The following LHX6 variants were observed in gnomAD, a reference collection of about 807,000 sequenced individuals.
LHX6 encodes LIM homeobox 6, also known as LIM/homeobox protein Lhx6.
Under a neutral mutation model 47.1 loss-of-function variants are expected in LHX6, and 15 were observed. The observed-to-expected ratio is 0.32, with a 90% CI of 0.21 to 0.49. The LOEUF (loss-of-function observed/expected upper bound fraction) is 0.49, where lower values mean the gene tolerates loss of function less well. Ranked by LOEUF, LHX6 falls within the 20% of genes least tolerant of loss-of-function variation. LHX6 has a pLI of 0.99. For synonymous variants in LHX6, 242 were observed against 233.5 expected (o/e 1.04, Z -0.33); for missense variants, 404 against 539.6 (o/e 0.75, Z 2.49).
chr9:122,227,117 A>G, intron 2 of LHX6, 87 bp from the exon 3 acceptor site: 2 of 1,246,046 alleles, frequency 1.6e-6, no homozygotes, highest in Non-Finnish European at 2.2e-6. Context: ...GCCCCCGAGC[A>G]CCAATTGACA....
In LHX6 at chr9:122,213,388, C is replaced by T. The variant is rs561852463; in HGVS notation, c.1054+218G>A. 3.9e-5 allele frequency among the ~76,000 whole-genome samples: 6 copies of T among 152,296 alleles called. No individual in the cohort carries two copies. The East Asian group carries it at 5.8e-4, about 15-fold the overall frequency. On this transcript the variant is annotated intron_variant, in intron 8 of 9. Coordinates refer to ENST00000394319, the MANE Select transcript of LHX6 (RefSeq NM_014368.5). The surrounding 1 kb of genome is among the most constrained non-coding windows in gnomAD (Gnocchi z 5.5). Reference sequence around the variant, plus strand: ...GGCATTTTTTGAATGGCTGCTGAATCGCTTGCCTCTATGAAGGATCCCGCT... The same window carrying T: ...GGCATTTTTTGAATGGCTGCTGAATTGCTTGCCTCTATGAAGGATCCCGCT...
chr9:122,216,213 TC>T (rs1206149977), intron 5 of LHX6, among the ~76,000 whole-genome samples: 1 of 152,216 alleles, frequency 6.6e-6, no homozygotes, highest in East Asian at 1.9e-4. Flanking sequence ...CATAAAATAA[TC>T]CCTGTTACAG....
Position 122,213,924 on chromosome 9 carries a change from A to T in LHX6, c.879+50T>A. ...ACCCTCCGCGCCGAGCCCAGCTACG[A>T]GCTCCGGGGCGTGCCCGCGGTCCCC... On this transcript the variant is annotated intron_variant, in intron 7 of 9. Transcript: ENST00000394319. The surrounding 1 kb of genome is among the most constrained non-coding windows in gnomAD (Gnocchi z 5.5). The T allele has an allele frequency of 6.5e-7, 1 of 1,549,162 alleles. No individual in the cohort carries two copies. The highest frequency in any genetic ancestry group is 8.8e-7 in the Non-Finnish European group (1 of 1,138,324).
At chr9:122,211,204 G>A (rs759776766) in intron 8 of LHX6, among the ~76,000 whole-genome samples, 12 of 152,172 alleles carry the variant, frequency 7.9e-5, no homozygotes, top group Non-Finnish European at 1.6e-4. Context: ...AAAGGGCATT[G>A]TAGAGACACT....
chr9:122,228,711 CG>C lies in LHX6; in HGVS notation c.29del (p.Pro10ArgfsTer20). 1 of 1,290,816 alleles carries C rather than the reference CG, an allele frequency of 7.7e-7. No homozygotes were observed. Among genetic ancestry groups the C allele is most frequent in the South Asian group, 2.7e-5 (1 of 37,002 alleles). The allele number at this position is 1,290,816 out of a possible 1,614,324, so 80.0% of individuals were successfully genotyped here. A position where few individuals can be genotyped will look rare whatever the true frequency, so the allele number is the denominator to read the frequency against. ...GCAGCCGGCAGCCCTCGGGCAACGC[CG>C]GGGCGGCGTTCTCATGCTTCCAGTA... Reference protein sequence around the residue: MYWKHENAAPALPEGCRLPA... With the variant: MYWKHENAAXALPEGCRLPA... On this transcript the variant is annotated frameshift_variant, in exon 1 of 10. Transcript: ENST00000394319. LOFTEE classifies it high-confidence loss of function.
chr9:122,221,139 G>A, intron 4 of LHX6: 2 of 985,428 alleles, frequency 2.0e-6, no homozygotes, highest in Non-Finnish European at 2.4e-6. Context: ...CCTGTGAGGC[G>A]AACAAGGTGG....
intron 4 of LHX6, among the ~76,000 whole-genome samples, chr9:122,222,980 G>A (rs571616753): frequency 6.6e-6 from 1 of 152,258 alleles, no homozygotes; most frequent in Admixed American, 6.5e-5. Context: ...ACCTCAGCAT[G>A]TGACCCCTCC....
rs1830457721 is a variant in LHX6 at position 122,213,219 on chromosome 9, T to C, written c.1054+387A>G. ...AGTCACTCCTACCCAGCACCTTTCC[T>C]ACAGGAATCATCCCACTTAAAACGA... On this transcript the variant is annotated intron_variant, in intron 8 of 9. Coordinates refer to ENST00000394319, the MANE Select transcript of LHX6 (RefSeq NM_014368.5). The surrounding 1 kb of genome is among the most constrained non-coding windows in gnomAD (Gnocchi z 5.5). Among the ~76,000 whole-genome samples the C allele has an allele frequency of 6.6e-6, 1 of 152,026 alleles. No homozygotes were observed. The highest frequency in any genetic ancestry group is 1.5e-5 in the Non-Finnish European group (1 of 68,016).
intron 4 of LHX6, among the ~76,000 whole-genome samples, chr9:122,220,487 C>T (rs1228206353): frequency 3.3e-5 from 5 of 152,234 alleles, no homozygotes; most frequent in Admixed American, 3.3e-4. Flanking sequence ...CGACAGACTC[C>T]TTCCCAGGCG....
intron 4 of LHX6, among the ~76,000 whole-genome samples, chr9:122,220,672 C>T (rs1409909040): frequency 1.3e-5 from 2 of 152,206 alleles, no homozygotes; most frequent in African/African-American, 2.4e-5. Context: ...CCCTGGATCC[C>T]GGCGTGTGAA....
rs566775666 is a variant in LHX6 at position 122,204,938 on chromosome 9, G to A, written c.1159-158C>T. Reference sequence around the variant, plus strand: ...CAACTGACTTGCTGTGGGACCTTGGGCAACTCACTGCACCTCTCTGAGCCT... The same window carrying A: ...CAACTGACTTGCTGTGGGACCTTGGACAACTCACTGCACCTCTCTGAGCCT... On this transcript the variant is annotated intron_variant, in intron 9 of 9. Coordinates refer to ENST00000394319, the MANE Select transcript of LHX6 (RefSeq NM_014368.5). Among the ~76,000 whole-genome samples, 2 of 152,256 alleles carry A rather than the reference G, an allele frequency of 1.3e-5. 1 individual carries two copies. Among genetic ancestry groups the A allele is most frequent in the African/African-American group, 4.8e-5 (2 of 41,550 alleles).
Position 122,214,005 on chromosome 9 carries a change from T to G in LHX6, c.848A>C (p.Asp283Ala). ...PDAQTLQKLA[D>A]MTGLSRRVIQ... The stretch of plus-strand genomic sequence containing the variant: ...GACTCTCCGGCTGAGGCCCGTCATG[T>G]CCGCCAGCTTCTGCAGCGTCTGAGC... Residue 283 changes from aspartate (D) to alanine (A), a missense_variant, in exon 7 of 10, where the codon GAC (aspartate) becomes GCC (alanine). Coordinates refer to ENST00000394319, the MANE Select transcript of LHX6 (RefSeq NM_014368.5). This position sits in a 1 kb window ranked among gnomAD's most constrained non-coding sequence, Gnocchi z 4.6. 1 of 1,595,932 alleles carries G rather than the reference T, an allele frequency of 6.3e-7. No homozygotes were observed. The highest frequency in any genetic ancestry group is 1.4e-5 in the African/African-American group (1 of 73,966).
intron 1 of LHX6, chr9:122,227,689 C>G: frequency 9.6e-7 from 1 of 1,041,676 alleles, no homozygotes; most frequent in Non-Finnish European, 1.3e-6. Flanking sequence ...TTCCCTCTCT[C>G]TCCCCCTCTC....
At chr9:122,216,847 A>G (rs939842196) in intron 5 of LHX6, among the ~76,000 whole-genome samples, 15 of 152,212 alleles carry the variant, frequency 9.9e-5, no homozygotes, top group Non-Finnish European at 2.1e-4. Flanking sequence ...TTTACTGATA[A>G]GGAAACATAG....
At chr9:122,206,483 C>G (rs766075856) in intron 9 of LHX6, among the ~76,000 whole-genome samples, 4 of 152,144 alleles carry the variant, frequency 2.6e-5, no homozygotes, top group Non-Finnish European at 4.4e-5. Flanking sequence ...AGTGAGAGGA[C>G]AGAAGGTCAT....
At chr9:122,204,835 G>GC in intron 9 of LHX6, 55 bp from the exon 10 acceptor site, 6 of 1,309,214 alleles carry the variant, frequency 4.6e-6, no homozygotes, top group South Asian at 1.4e-5. Flanking sequence ...CCACCCTGCT[G>GC]CCCCCCAGAG....
In LHX6 at chr9:122,213,523, C is replaced by A. The variant is rs999588618; in HGVS notation, c.1054+83G>T. On this transcript the variant is annotated intron_variant, in intron 8 of 9. Transcript: ENST00000394319. This position sits in a 1 kb window ranked among gnomAD's most constrained non-coding sequence, Gnocchi z 5.5. The stretch of plus-strand genomic sequence containing the variant: ...AGGCTCCCCAAGGCCCTCCACCCCA[C>A]GCCTCGGCCTCAGCCGCCCACGTGC... 16 of 1,298,632 alleles carry A rather than the reference C, an allele frequency of 1.2e-5. No homozygotes were observed. Among genetic ancestry groups the A allele is most frequent in the Non-Finnish European group, 1.5e-5 (15 of 967,798 alleles). 80.4% of individuals were successfully genotyped at this position (1,298,632 alleles called of 1,614,324 possible).
intron 4 of LHX6, among the ~76,000 whole-genome samples, chr9:122,225,302 C>A (rs760815609): frequency 6.6e-6 from 1 of 152,248 alleles, no homozygotes; most frequent in African/African-American, 2.4e-5. Context: ...ACAAGCATCC[C>A]TCTCAGGAAG....
intron 4 of LHX6, chr9:122,221,684 G>A: frequency 1.0e-6 from 1 of 985,496 alleles, no homozygotes; most frequent in Non-Finnish European, 1.2e-6. Flanking sequence ...TCCATTCACA[G>A]GCCTCTGAGG....
Sources: gnomAD v4.1 joint callset for allele counts (sites outside exome capture counted in the v4.1 genomes callset) on GRCh38, gnomAD v4.1.1 for gene constraint, Gnocchi (gnomAD v3.1) non-coding constraint, MANE v1.5 for transcripts, NCBI Gene and HGNC (gene_info 2026-07-23, HGNC 2026-07-21) for gene names.